The following CDH13 variants were observed in gnomAD, a reference collection of about 807,000 sequenced individuals.
CDH13 encodes cadherin-13.
In CDH13, 24 loss-of-function variants were observed where a neutral mutation model predicts 63.8. That is an observed-to-expected ratio of 0.38 (90% confidence interval 0.27 to 0.53). The LOEUF (loss-of-function observed/expected upper bound fraction) is 0.53. Ranked by LOEUF, CDH13 falls within the 20% of genes least tolerant of loss-of-function variation. The probability of loss-of-function intolerance (pLI) is 0.85; values close to 1 mark genes in which losing one functional copy is unlikely to be tolerated. For missense variants in CDH13, 1,049 were observed against 903.1 expected, an observed-to-expected ratio of 1.16 and a Z score of -2.07; for synonymous variants, 503 against 355.3, an observed-to-expected ratio of 1.42 and a Z score of -4.67.
chr16:83,396,954 A>T (rs1282301846), intron 6 of CDH13, among the ~76,000 whole-genome samples: 1 of 152,196 alleles, frequency 6.6e-6, no homozygotes, highest in South Asian at 2.1e-4. Flanking sequence ...GCTCTATGAA[A>T]TCAGATAACT....
At position 83,378,100 on chromosome 16, in the gene CDH13, T is replaced by G. The variant is rs111472188; in HGVS notation, c.781+33094T>G. Among the ~76,000 whole-genome samples, 452 of 152,330 alleles carry G rather than the reference T, an allele frequency of 3.0e-3. 5 individuals carry two copies. The highest frequency in any genetic ancestry group is 0.01 in the African/African-American group (421 of 41,590). On this transcript the variant is annotated intron_variant, in intron 6 of 13. Transcript: ENST00000567109. ...TTGAAAAAGCCAGGCATTTGCTTCC[T>G]AAGAGCACACCTTGCAGAAGCAGCA...
intron 4 of CDH13, among the ~76,000 whole-genome samples, chr16:83,194,872 T>G (rs2038830817): frequency 6.6e-6 from 1 of 152,210 alleles, no homozygotes; most frequent in South Asian, 2.1e-4. Context: ...TTCATTATGC[T>G]TCATTCCTAC....
chr16:83,543,798 C>G (rs1238874434), intron 7 of CDH13, among the ~76,000 whole-genome samples: 2 of 152,216 alleles, frequency 1.3e-5, no homozygotes, highest in African/African-American at 4.8e-5. Flanking sequence ...TAACACAGTT[C>G]TCATCGCTAC....
chr16:83,261,576 C>G (rs866606077), intron 5 of CDH13, among the ~76,000 whole-genome samples: 1 of 152,124 alleles, frequency 6.6e-6, no homozygotes, highest in African/African-American at 2.4e-5. Flanking sequence ...AGGGATGTGG[C>G]TCAACATCCT....
chr16:82,887,681 C>T (rs146013676), intron 2 of CDH13, among the ~76,000 whole-genome samples: 18 of 152,230 alleles, frequency 1.2e-4, no homozygotes, highest in Admixed American at 2.6e-4. Context: ...ATTAGCTGGG[C>T]GTGGTGGTGC....
At chr16:83,013,859 T>C (rs1332954616) in intron 2 of CDH13, among the ~76,000 whole-genome samples, 2 of 152,056 alleles carry the variant, frequency 1.3e-5, no homozygotes, top group Non-Finnish European at 2.9e-5. Context: ...TAGGGAGGAA[T>C]CCAAAAGACA....
At chr16:83,222,976 A>G (rs928081052) in intron 5 of CDH13, among the ~76,000 whole-genome samples, 86 of 152,042 alleles carry the variant, frequency 5.7e-4, no homozygotes, top group African/African-American at 2.0e-3. Flanking sequence ...TCTACCCACT[A>G]GATGCCAGTA....
intron 8 of CDH13, among the ~76,000 whole-genome samples, chr16:83,622,562 C>T (rs1217913760): frequency 1.3e-5 from 2 of 152,102 alleles, no homozygotes; most frequent in South Asian, 2.1e-4. Flanking sequence ...ATTGATACTC[C>T]AATAATTAGA....
chr16:83,014,750 A>ATATATATATATATATATATATG lies in CDH13; in HGVS notation c.158-17239_158-17238insGTATATATATATATATATATAT, dbSNP rs1597410023. Among the ~76,000 whole-genome samples, 7 of 36,312 alleles carry ATATATATATATATATATATATG rather than the reference A, an allele frequency of 1.9e-4. 1 individual carries two copies. In the East Asian group the frequency reaches 4.2e-3, roughly 22 times the overall value. The allele number at this position is 36,312 out of a possible 152,430, so 23.8% of individuals were successfully genotyped here. ...CATCTAAAAAAAAAAAAAAATATAT[A>ATATATATATATATATATATATG]TATATATATATATATATATATATAT... On this transcript the variant is annotated intron_variant, in intron 2 of 13. Coordinates refer to ENST00000567109, the MANE Select transcript of CDH13 (RefSeq NM_001257.5).
chr16:83,646,774 A>G (rs138789288), intron 8 of CDH13, among the ~76,000 whole-genome samples: 7 of 150,428 alleles, frequency 4.7e-5, no homozygotes, highest in Admixed American at 3.3e-4. Flanking sequence ...AGTTAGCTCA[A>G]TTCTACCAAA....
chr16:82,810,379 G>T (rs748228674), intron 1 of CDH13, among the ~76,000 whole-genome samples: 2 of 152,144 alleles, frequency 1.3e-5, no homozygotes, highest in African/African-American at 2.4e-5. Context: ...CCAGGGAGAG[G>T]TACAGCTACC....
intron 7 of CDH13, among the ~76,000 whole-genome samples, chr16:83,506,599 A>T (rs1453971942): frequency 6.6e-6 from 1 of 152,198 alleles, no homozygotes; most frequent in African/African-American, 2.4e-5. Flanking sequence ...GCTCCCAGTG[A>T]TTCTCACCTC....
rs1347812084 is a variant in CDH13, at chr16:83,569,376, G to A, written c.961-33078G>A. ...GTCCCTGTAAGCCAGTCTGCTCAGG[G>A]CTATCTCTGACAAAATAGTGTGTTC... On this transcript the variant is annotated intron_variant, in intron 7 of 13. Coordinates refer to ENST00000567109, the MANE Select transcript of CDH13 (RefSeq NM_001257.5). Among the ~76,000 whole-genome samples, 5 of 152,300 alleles carry A rather than the reference G, an allele frequency of 3.3e-5. 1 individual carries two copies. The South Asian group carries it at 1.0e-3, about 32-fold the overall frequency.
At chr16:83,606,486 C>T (rs972074045) in intron 8 of CDH13, among the ~76,000 whole-genome samples, 1 of 151,912 alleles carries the variant, frequency 6.6e-6, no homozygotes, top group Non-Finnish European at 1.5e-5. Flanking sequence ...GTCTGTAATC[C>T]CAACACTTTG....
intron 1 of CDH13, among the ~76,000 whole-genome samples, chr16:82,679,272 C>T (rs546554736): frequency 6.6e-6 from 1 of 152,188 alleles, no homozygotes; most frequent in South Asian, 2.1e-4. Context: ...TGATCATATA[C>T]CTGGGAAGCT....
chr16:82,849,085 C>A (rs548604502), intron 1 of CDH13, among the ~76,000 whole-genome samples: 1 of 152,270 alleles, frequency 6.6e-6, no homozygotes, highest in Non-Finnish European at 1.5e-5. Context: ...TAATCCTGAG[C>A]AAGGCCTTAA....
At chr16:83,163,119 GTTCTC>G (rs1470397313) in intron 4 of CDH13, among the ~76,000 whole-genome samples, 1 of 152,138 alleles carries the variant, frequency 6.6e-6, no homozygotes, top group Admixed American at 6.5e-5. Flanking sequence ...CCCTGCACAA[GTTCTC>G]TTCTCTTATC....
chr16:83,213,356 A>T (rs972927697), intron 4 of CDH13, among the ~76,000 whole-genome samples: 5 of 152,142 alleles, frequency 3.3e-5, no homozygotes, highest in African/African-American at 1.2e-4. Context: ...TTCTGTGCCG[A>T]GTGGCAGGCA....
chr16:82,711,383 G>A (rs762001733), intron 1 of CDH13, among the ~76,000 whole-genome samples: 1 of 152,088 alleles, frequency 6.6e-6, no homozygotes, highest in Non-Finnish European at 1.5e-5. Flanking sequence ...ATTGAGCGGT[G>A]GCACTTGGGA....
Sources: allele counts gnomAD v4.1 joint callset (sites outside exome capture counted in the v4.1 genomes callset), GRCh38; gene constraint gnomAD v4.1.1; transcripts MANE v1.5; gene names NCBI Gene and HGNC (gene_info 2026-07-23, HGNC 2026-07-21).